Variants in DIAPH3 observed in about 807,000 individuals in gnomAD.
DIAPH3 encodes the protein diaphanous related formin 3, also known as protein diaphanous homolog 3.
In DIAPH3, 117 loss-of-function variants were observed where a neutral mutation model predicts 144.3. The ratio of observed to expected loss-of-function variants is 0.81; its 90% confidence interval spans 0.70 to 0.95. The LOEUF (loss-of-function observed/expected upper bound fraction) is 0.95, where lower values mean the gene tolerates loss of function less well. Ranked by LOEUF, DIAPH3 falls within the 40% of genes least tolerant of loss-of-function variation. The pLI is 0.00. For missense variants in DIAPH3, 1,421 were observed against 1,412.7 expected, an observed-to-expected ratio of 1.01 and a Z score of -0.09; for synonymous variants, 519 against 488.9, an observed-to-expected ratio of 1.06 and a Z score of -0.81.
chr13:59,781,358 T>C (rs1458571294), intron 25 of DIAPH3, among the ~76,000 whole-genome samples: 1 of 152,222 alleles, frequency 6.6e-6, no homozygotes, highest in African/African-American at 2.4e-5. Flanking sequence ...TTTTCAAACA[T>C]GCAAGTGTCT....
intron 27 of DIAPH3, among the ~76,000 whole-genome samples, chr13:59,758,018 T>C (rs2037377798): frequency 6.6e-6 from 1 of 152,146 alleles, no homozygotes; most frequent in African/African-American, 2.4e-5. Flanking sequence ...CAAATAAGCC[T>C]ATGAAAAGGT....
intron 25 of DIAPH3, among the ~76,000 whole-genome samples, chr13:59,784,792 A>G (rs575283335): frequency 6.6e-6 from 1 of 152,248 alleles, no homozygotes; most frequent in South Asian, 2.1e-4. Context: ...TGCAGTTGAT[A>G]TACAAAATTC....
chr13:60,159,359 C>CCA (rs1566836822), intron 1 of DIAPH3, among the ~76,000 whole-genome samples: 2 of 152,196 alleles, frequency 1.3e-5, no homozygotes, highest in Non-Finnish European at 2.9e-5. Flanking sequence ...GGTGCGATGG[C>CCA]TCACGCCTGT....
intron 22 of DIAPH3, among the ~76,000 whole-genome samples, chr13:59,845,080 C>G (rs1199244085): frequency 6.7e-6 from 1 of 149,878 alleles, no homozygotes; most frequent in Non-Finnish European, 1.5e-5. Flanking sequence ...GAGTCTCACT[C>G]TGTTGCCCAG....
chr13:59,905,058 T>A (rs1289552511), intron 20 of DIAPH3, among the ~76,000 whole-genome samples: 1 of 151,926 alleles, frequency 6.6e-6, no homozygotes, highest in Non-Finnish European at 1.5e-5. Context: ...AAAGTGTAAG[T>A]TTGGCCAGGC....
At chr13:59,964,417 C>A (rs1355277835) in intron 17 of DIAPH3, among the ~76,000 whole-genome samples, 1 of 152,010 alleles carries the variant, frequency 6.6e-6, no homozygotes, top group Non-Finnish European at 1.5e-5. Flanking sequence ...CTGTTTGTAA[C>A]ATCTGTACAG....
At chr13:60,163,411 G>A (rs1005274407) in intron 1 of DIAPH3, among the ~76,000 whole-genome samples, 176 bp downstream of exon 1, 2 of 152,222 alleles carry the variant, frequency 1.3e-5, no homozygotes, top group Admixed American at 1.3e-4. Flanking sequence ...CAAAGATCTG[G>A]GCATTTGTCA....
chr13:59,916,065 G>T, intron 19 of DIAPH3, 90 bp downstream of exon 19: 1 of 1,070,196 alleles, frequency 9.3e-7, no homozygotes, highest in Non-Finnish European at 1.4e-6. Context: ...TGAATGATTT[G>T]GGTGAAGAAT....
intron 20 of DIAPH3, among the ~76,000 whole-genome samples, chr13:59,906,100 A>G (rs2046721815): frequency 6.6e-6 from 1 of 152,228 alleles, no homozygotes; most frequent in Admixed American, 6.5e-5. Flanking sequence ...ACAATGTGCA[A>G]TACTAATGCA....
At chr13:59,841,489 G>C (rs2042342064) in intron 22 of DIAPH3, among the ~76,000 whole-genome samples, 1 of 152,030 alleles carries the variant, frequency 6.6e-6, no homozygotes, top group Non-Finnish European at 1.5e-5. Context: ...AGCTAATATG[G>C]AGGCTGAGGT....
At chr13:59,800,719 T>C (rs1315323099) in intron 25 of DIAPH3, among the ~76,000 whole-genome samples, 1 of 152,158 alleles carries the variant, frequency 6.6e-6, no homozygotes, top group Non-Finnish European at 1.5e-5. Context: ...GGAACGGGTC[T>C]CTGAAAGTTT....
intron 27 of DIAPH3, among the ~76,000 whole-genome samples, chr13:59,726,291 A>G (rs943888954): frequency 2.6e-5 from 4 of 152,160 alleles, no homozygotes; most frequent in Non-Finnish European, 5.9e-5. Flanking sequence ...TAACTCATGT[A>G]TTCTCTGGAA....
chr13:60,035,120 T>G (rs1335939332), intron 5 of DIAPH3, among the ~76,000 whole-genome samples: 5 of 152,120 alleles, frequency 3.3e-5, no homozygotes, highest in African/African-American at 1.2e-4. Flanking sequence ...AAAAATAGAT[T>G]TGGAGCACTT....
chr13:60,066,803 T>C (rs998937048), intron 4 of DIAPH3, among the ~76,000 whole-genome samples: 7 of 152,206 alleles, frequency 4.6e-5, no homozygotes, highest in African/African-American at 1.7e-4. Flanking sequence ...TTTTCCATCT[T>C]AAATTGGCAA....
intron 24 of DIAPH3, among the ~76,000 whole-genome samples, chr13:59,832,030 A>G (rs888844725): frequency 1.3e-5 from 2 of 151,868 alleles, no homozygotes; most frequent in African/African-American, 2.4e-5. Context: ...GCTCTCTCAG[A>G]CTGCAAAGTC....
chr13:59,822,607 A>T (rs1490951015), intron 24 of DIAPH3, among the ~76,000 whole-genome samples: 6 of 150,754 alleles, frequency 4.0e-5, no homozygotes, highest in African/African-American at 1.2e-4. Context: ...TGCCTGGCTA[A>T]TTTTTTTTTG....
At chr13:60,150,469 G>A (rs531484202) in intron 1 of DIAPH3, among the ~76,000 whole-genome samples, 144 of 152,344 alleles carry the variant, frequency 9.5e-4, no homozygotes, top group Non-Finnish European at 1.6e-3. Context: ...GACCCATCAT[G>A]CCCTATTCCC....
intron 1 of DIAPH3, among the ~76,000 whole-genome samples, chr13:60,136,314 A>G (rs1171205189): frequency 6.6e-6 from 1 of 152,158 alleles, no homozygotes; most frequent in African/African-American, 2.4e-5. Context: ...GTTCAGGAAA[A>G]TAGTTAACTG....
intron 17 of DIAPH3, among the ~76,000 whole-genome samples, chr13:59,961,814 T>A (rs1183403935): frequency 6.6e-6 from 1 of 152,192 alleles, no homozygotes; most frequent in Non-Finnish European, 1.5e-5. Context: ...CCTTGATTCT[T>A]TCACATAAAT....
Sources: gnomAD v4.1 joint callset for allele counts (sites outside exome capture counted in the v4.1 genomes callset) on GRCh38, gnomAD v4.1.1 for gene constraint, MANE v1.5 for transcripts, NCBI Gene and HGNC (gene_info 2026-07-23, HGNC 2026-07-21) for gene names.